Variants in ASIC2 observed in about 807,000 individuals in gnomAD.
The protein encoded by ASIC2 is acid sensing ion channel subunit 2.
ASIC2 carries 25 observed loss-of-function variants against 57.3 expected under a neutral mutation model. That is an observed-to-expected ratio of 0.44 (90% CI 0.32 to 0.61). ASIC2 has a LOEUF of 0.61. Ranked by LOEUF, ASIC2 falls within the 20% of genes least tolerant of loss-of-function variation. ASIC2 has a pLI of 0.06. For synonymous variants in ASIC2, 319 were observed against 307.5 expected (o/e 1.04, Z -0.39); for missense variants, 641 against 738.1 (o/e 0.87, Z 1.52).
intron 1 of ASIC2, among the ~76,000 whole-genome samples, chr17:33,399,144 G>T (rs34187563): frequency 0.27 from 41,392 of 152,026 alleles, 6,842 homozygotes; most frequent in Non-Finnish European, 0.36. Context: ...GAAATATGGG[G>T]TTGGAGGTGC....
chr17:33,554,646 A>T (rs7215444), intron 1 of ASIC2, among the ~76,000 whole-genome samples: 86,000 of 151,728 alleles, frequency 0.57, 25,526 homozygotes, highest in African/African-American at 0.75. Flanking sequence ...GTGCTTTTTG[A>T]GGAAGAAGTT....
chr17:33,679,285 G>A (rs541101281), intron 1 of ASIC2, among the ~76,000 whole-genome samples: 2 of 152,252 alleles, frequency 1.3e-5, no homozygotes, highest in African/African-American at 4.8e-5. Flanking sequence ...CCCCCACCTA[G>A]TGTTTATTCC....
intron 1 of ASIC2, among the ~76,000 whole-genome samples, chr17:33,366,056 G>A (rs1908796956): frequency 6.6e-6 from 1 of 152,210 alleles, no homozygotes. Flanking sequence ...TGACTAGGTT[G>A]GCAAGGCTGC....
intron 3 of ASIC2, among the ~76,000 whole-genome samples, chr17:33,076,385 T>C (rs899697100): frequency 3.3e-5 from 5 of 152,190 alleles, no homozygotes; most frequent in African/African-American, 1.2e-4. Context: ...GTCTGTCTAT[T>C]AGGAGTCGGG....
At chr17:33,374,286 C>T (rs182840344) in intron 1 of ASIC2, among the ~76,000 whole-genome samples, 14 of 152,192 alleles carry the variant, frequency 9.2e-5, no homozygotes, top group African/African-American at 1.2e-4. Context: ...TGTGAGCCAC[C>T]GCACCCGACC....
intron 1 of ASIC2, among the ~76,000 whole-genome samples, chr17:33,916,427 G>T (rs1355280716): frequency 6.6e-6 from 1 of 152,162 alleles, no homozygotes; most frequent in African/African-American, 2.4e-5. Context: ...GAGAACCAAA[G>T]TAGGATCCTG....
intron 1 of ASIC2, among the ~76,000 whole-genome samples, chr17:33,673,105 C>T (rs3103663): frequency 0.17 from 26,092 of 152,108 alleles, 2,332 homozygotes; most frequent in African/African-American, 0.2. Flanking sequence ...CTCATAGAGG[C>T]GGCAGCATTA....
At chr17:33,235,766 C>T (rs1406142348) in intron 1 of ASIC2, among the ~76,000 whole-genome samples, 2 of 152,172 alleles carry the variant, frequency 1.3e-5, no homozygotes, top group African/African-American at 2.4e-5. Context: ...GGATCAGACC[C>T]AGAGTCACAC....
chr17:33,446,351 T>G (rs1912016703), intron 1 of ASIC2, among the ~76,000 whole-genome samples: 1 of 152,040 alleles, frequency 6.6e-6, no homozygotes, highest in African/African-American at 2.4e-5. Context: ...AAACTAAAAT[T>G]TGGGTAAGAG....
rs186418966 is a variant in ASIC2, at chr17:33,824,736, G to A, written c.555+331242C>T. Among the ~76,000 whole-genome samples the A allele has an allele frequency of 1.6e-4, 24 of 148,858 alleles. No individual in the cohort carries two copies. In the Middle Eastern group the frequency reaches 0.01, roughly 63 times the overall value. On this transcript the variant is annotated intron_variant, in intron 1 of 9. Transcript: ENST00000359872. ...GAATTAAGTCTCACAAGATCTGATG[G>A]TTTTATAAAGGGGAGTTCCCCTGCA...
At chr17:33,806,549 GC>G (rs1912273398) in intron 1 of ASIC2, among the ~76,000 whole-genome samples, 1 of 152,212 alleles carries the variant, frequency 6.6e-6, no homozygotes, top group Non-Finnish European at 1.5e-5. Flanking sequence ...ATGTTAAGGA[GC>G]CTGCTTCTTT....
chr17:33,691,832 T>C (rs1161968717), intron 1 of ASIC2, among the ~76,000 whole-genome samples: 1 of 152,206 alleles, frequency 6.6e-6, no homozygotes, highest in Non-Finnish European at 1.5e-5. Context: ...CATGTGTGTG[T>C]GTGTGTCTGT....
At chr17:33,950,403 G>T (rs747205584) in intron 1 of ASIC2, among the ~76,000 whole-genome samples, 1 of 152,206 alleles carries the variant, frequency 6.6e-6, no homozygotes, top group East Asian at 1.9e-4. Context: ...TGCAGACCAC[G>T]TTCCCTCAGC....
At chr17:33,196,320 TG>T in intron 1 of ASIC2, among the ~76,000 whole-genome samples, 1 of 102,694 alleles carries the variant, frequency 9.7e-6, no homozygotes, top group Non-Finnish European at 1.8e-5. Flanking sequence ...ATGATGACGA[TG>T]ATGATGATGA....
chr17:33,675,045 A>T (rs533423014), intron 1 of ASIC2, among the ~76,000 whole-genome samples: 92 of 152,238 alleles, frequency 6.0e-4, no homozygotes, highest in Non-Finnish European at 1.0e-3. Context: ...CAATAGTTAC[A>T]CAAATAAAAG....
At chr17:33,414,276 G>A (rs1369823945) in intron 1 of ASIC2, among the ~76,000 whole-genome samples, 2 of 152,196 alleles carry the variant, frequency 1.3e-5, no homozygotes, top group East Asian at 1.9e-4. Flanking sequence ...CAGGGATGGC[G>A]AGGAGGCTGG....
chr17:33,911,013 T>G (rs1915450861), intron 1 of ASIC2, among the ~76,000 whole-genome samples: 1 of 152,172 alleles, frequency 6.6e-6, no homozygotes, highest in African/African-American at 2.4e-5. Flanking sequence ...ATGTCTTGGC[T>G]TCCTCGGTTA....
At chr17:34,144,999 G>C (rs560529265) in intron 1 of ASIC2, among the ~76,000 whole-genome samples, 2 of 152,102 alleles carry the variant, frequency 1.3e-5, no homozygotes, top group Non-Finnish European at 2.9e-5. Flanking sequence ...CATGGAACCC[G>C]GCCATGCCCA....
At chr17:33,220,754 C>T (rs1418624096) in intron 1 of ASIC2, among the ~76,000 whole-genome samples, 1 of 152,062 alleles carries the variant, frequency 6.6e-6, no homozygotes, top group Non-Finnish European at 1.5e-5. Context: ...GTTACTATCC[C>T]CCATGAGATG....
Sources: allele counts gnomAD v4.1 joint callset (sites outside exome capture counted in the v4.1 genomes callset), GRCh38; gene constraint gnomAD v4.1.1; transcripts MANE v1.5; gene names NCBI Gene and HGNC (gene_info 2026-07-23, HGNC 2026-07-21).